The following ITGB3BP variants were observed in gnomAD, a reference collection of about 807,000 sequenced individuals.
ITGB3BP encodes centromere protein R.
ITGB3BP carries 27 observed loss-of-function variants against 29.1 expected under a neutral mutation model. The observed-to-expected ratio is 0.93, with a 90% CI of 0.68 to 1.28. The LOEUF is 1.28. ITGB3BP is among the 50% of genes most tolerant of loss of function. ITGB3BP has a pLI of 0.00. For missense variants in ITGB3BP, 192 were observed against 200.2 expected (o/e 0.96, Z 0.25); for synonymous variants, 61 against 61.4 (o/e 0.99, Z 0.03).
chr1:63,457,137 T>C (rs1161167736), intron 4 of ITGB3BP: 1 of 152,224 alleles, frequency 6.6e-6, no homozygotes, highest in Non-Finnish European at 1.5e-5. Context: ...AAATCACCTT[T>C]TTCCCACCTT....
chr1:63,480,915 A>G (rs1438557475), intron 3 of ITGB3BP, among the ~76,000 whole-genome samples: 1 of 152,108 alleles, frequency 6.6e-6, no homozygotes, highest in African/African-American at 2.4e-5. Context: ...TCTAAAAAAA[A>G]GCTGAAAATG....
chr1:63,522,694 G>T (rs17125087), intron 1 of ITGB3BP, among the ~76,000 whole-genome samples: 3 of 152,098 alleles, frequency 2.0e-5, no homozygotes, highest in Non-Finnish European at 4.4e-5. Flanking sequence ...AACAGTGAAA[G>T]AGTCTTATCT....
chr1:63,521,269 A>AC (rs1553168237), intron 1 of ITGB3BP, among the ~76,000 whole-genome samples: 42 of 151,294 alleles, frequency 2.8e-4, no homozygotes, highest in African/African-American at 5.8e-4. Context: ...TAAAAAAAAA[A>AC]AAAACACTTA....
chr1:63,477,485 T>C (rs974460703), intron 4 of ITGB3BP, among the ~76,000 whole-genome samples: 3 of 152,166 alleles, frequency 2.0e-5, no homozygotes, highest in African/African-American at 7.2e-5. Flanking sequence ...TTGGGAGGCC[T>C]GGGCGAGTGG....
rs765537290 is a variant in ITGB3BP, at chr1:63,471,514, G to C, written c.254+7250C>G. Among the ~76,000 whole-genome samples, 6 of 152,018 alleles carry C rather than the reference G, an allele frequency of 3.9e-5. No homozygotes were observed. The East Asian group carries it at 1.2e-3, about 30-fold the overall frequency. Reference sequence around the variant, plus strand: ...GATCTGCCCACCTCAGCCTCCCAAAGTGCTGGGATTACAGGCATAAGCCGT... The same window carrying C: ...GATCTGCCCACCTCAGCCTCCCAAACTGCTGGGATTACAGGCATAAGCCGT... On this transcript the variant is annotated intron_variant, in intron 4 of 8. Transcript: ENST00000271002.
chr1:63,465,905 T>C (rs1008757720), intron 4 of ITGB3BP, among the ~76,000 whole-genome samples: 1 of 152,130 alleles, frequency 6.6e-6, no homozygotes, highest in African/African-American at 2.4e-5. Flanking sequence ...TTTTTTAAGA[T>C]TGGAAACCAT....
At chr1:63,471,221 T>C (rs894769109) in intron 4 of ITGB3BP, among the ~76,000 whole-genome samples, 3 of 152,134 alleles carry the variant, frequency 2.0e-5, no homozygotes, top group African/African-American at 7.2e-5. Context: ...TCCCCTTTTA[T>C]TGTTGGCATT....
chr1:63,463,622 C>T (rs1171546664), intron 4 of ITGB3BP, among the ~76,000 whole-genome samples: 1 of 152,160 alleles, frequency 6.6e-6, no homozygotes, highest in African/African-American at 2.4e-5. Flanking sequence ...GCAATGCCAG[C>T]TACAGCAGCA....
At chr1:63,451,289 A>G (rs954418434) in intron 7 of ITGB3BP, among the ~76,000 whole-genome samples, 7 of 151,934 alleles carry the variant, frequency 4.6e-5, no homozygotes, top group Non-Finnish European at 8.8e-5. Flanking sequence ...GCTTATTCTA[A>G]TTTTCATAAT....
chr1:63,451,642 C>G (rs1264266505), intron 7 of ITGB3BP: 1 of 151,892 alleles, frequency 6.6e-6, no homozygotes, highest in East Asian at 1.9e-4. Flanking sequence ...ACAAAAAACC[C>G]CCAAAACTAA....
chr1:63,485,484 T>G (rs1320211331), intron 3 of ITGB3BP, among the ~76,000 whole-genome samples: 2 of 151,972 alleles, frequency 1.3e-5, no homozygotes, highest in Admixed American at 6.6e-5. Flanking sequence ...TCCAATTTTT[T>G]TTTCACCCGC....
In ITGB3BP at chr1:63,514,607, C is replaced by T. The variant is rs115913885; in HGVS notation, c.6-6037G>A. Among the ~76,000 whole-genome samples the T allele has an allele frequency of 4.4e-3, 671 of 152,190 alleles. 5 individuals carry two copies. Among genetic ancestry groups the T allele is most frequent in the African/African-American group, 0.015 (617 of 41,540 alleles). On this transcript the variant is annotated intron_variant, in intron 1 of 8. Transcript: ENST00000271002. ...CTTATCCTAAATATAAATCCTTTGT[C>T]TGATATATATCTGTTACATACTTTC...
chr1:63,519,823 T>C (rs1307643135), intron 1 of ITGB3BP, among the ~76,000 whole-genome samples: 2 of 152,134 alleles, frequency 1.3e-5, no homozygotes, highest in African/African-American at 4.8e-5. Flanking sequence ...ATATTCATTT[T>C]CCCTTATCTT....
chr1:63,509,795 A>T (rs1646157975), intron 1 of ITGB3BP, among the ~76,000 whole-genome samples: 1 of 152,226 alleles, frequency 6.6e-6, no homozygotes, highest in Non-Finnish European at 1.5e-5. Flanking sequence ...CAGAGGTACA[A>T]ACAAACTAAA....
At chr1:63,470,360 G>A (rs945469779) in intron 4 of ITGB3BP, among the ~76,000 whole-genome samples, 1 of 152,142 alleles carries the variant, frequency 6.6e-6, no homozygotes, top group African/African-American at 2.4e-5. Flanking sequence ...TAAAAGAAGA[G>A]ACAAGGGTAC....
At chr1:63,521,092 AAAAG>A in intron 1 of ITGB3BP, among the ~76,000 whole-genome samples, 1 of 152,292 alleles carries the variant, frequency 6.6e-6, no homozygotes, top group East Asian at 1.9e-4. Context: ...GAAATTAGAA[AAAAG>A]ATAGATCACA....
chr1:63,503,291 C>G (rs531830126), intron 2 of ITGB3BP, among the ~76,000 whole-genome samples: 1 of 152,048 alleles, frequency 6.6e-6, no homozygotes, highest in Non-Finnish European at 1.5e-5. Context: ...TTTCATGTGT[C>G]TTTTGGCTGC....
intron 3 of ITGB3BP, among the ~76,000 whole-genome samples, chr1:63,483,623 A>G (rs933393969): frequency 2.6e-5 from 4 of 152,060 alleles, no homozygotes; most frequent in Non-Finnish European, 4.4e-5. Flanking sequence ...GTTCCTTTTC[A>G]GTCATTCTGA....
intron 2 of ITGB3BP, among the ~76,000 whole-genome samples, chr1:63,496,315 ACTCCTGAG>A (rs1645787280): frequency 1.3e-5 from 2 of 150,604 alleles, no homozygotes; most frequent in African/African-American, 4.9e-5. Flanking sequence ...CTGATCTCAA[ACTCCTGAG>A]CTCAAGCAAT....
Sources: allele counts gnomAD v4.1 joint callset (sites outside exome capture counted in the v4.1 genomes callset), GRCh38; gene constraint gnomAD v4.1.1; transcripts MANE v1.5; gene names NCBI Gene and HGNC (gene_info 2026-07-23, HGNC 2026-07-21).